Variants in CAMTA1 observed in about 807,000 individuals in gnomAD.
CAMTA1 encodes calmodulin-binding transcription activator 1.
Under a neutral mutation model 170.9 loss-of-function variants are expected in CAMTA1, and 27 were observed. That is an observed-to-expected ratio of 0.16 (90% confidence interval 0.12 to 0.22). CAMTA1 has a LOEUF of 0.22. Among genes scored for constraint, CAMTA1 ranks in the 10% least tolerant of loss-of-function variants. The pLI is 1.00. For synonymous variants in CAMTA1, 833 were observed against 891.5 expected, an observed-to-expected ratio of 0.93 and a Z score of 1.17; for missense variants, 1,619 against 2,217.2, an observed-to-expected ratio of 0.73 and a Z score of 5.42.
intron 5 of CAMTA1, among the ~76,000 whole-genome samples, chr1:7,336,323 A>G (rs2083382133): frequency 6.6e-6 from 1 of 152,196 alleles, no homozygotes; most frequent in South Asian, 2.1e-4. Flanking sequence ...CCATCTCTGC[A>G]GCCCAGAGCT....
intron 7 of CAMTA1, among the ~76,000 whole-genome samples, chr1:7,659,482 C>G (rs61440405): frequency 0.022 from 3,372 of 152,170 alleles, 116 homozygotes; most frequent in African/African-American, 0.076. Flanking sequence ...TGCAGTGAAC[C>G]GAGATCGTGC....
At chr1:7,480,325 G>GAA (rs2093504286) in intron 6 of CAMTA1, among the ~76,000 whole-genome samples, 1 of 128,810 alleles carries the variant, frequency 7.8e-6, no homozygotes, top group Non-Finnish European at 1.6e-5. Flanking sequence ...GTGTGTGTGT[G>GAA]TATGAGTGCA....
chr1:7,649,334 G>A (rs908166093), intron 7 of CAMTA1, among the ~76,000 whole-genome samples: 1 of 152,230 alleles, frequency 6.6e-6, no homozygotes, highest in African/African-American at 2.4e-5. Flanking sequence ...TGCGGGGCCT[G>A]GGAGTCATGG....
chr1:6,822,428 C>G (rs564949813), intron 2 of CAMTA1, among the ~76,000 whole-genome samples: 22 of 152,166 alleles, frequency 1.4e-4, no homozygotes, highest in African/African-American at 5.3e-4. Context: ...ATTTGAAATT[C>G]CAGTAATTCT....
At chr1:7,040,969 G>A (rs1417003874) in intron 3 of CAMTA1, among the ~76,000 whole-genome samples, 6 of 152,146 alleles carry the variant, frequency 3.9e-5, no homozygotes, top group South Asian at 2.1e-4. Flanking sequence ...TGATCTGCCC[G>A]CCTCAGCCTC....
chr1:7,730,313 C>G (rs957524898), intron 11 of CAMTA1, among the ~76,000 whole-genome samples: 1 of 152,204 alleles, frequency 6.6e-6, no homozygotes, highest in Admixed American at 6.5e-5. Flanking sequence ...GTCTCCTGCT[C>G]TCCCTCCCTC....
chr1:7,176,451 T>C (rs1650846826), intron 4 of CAMTA1, among the ~76,000 whole-genome samples: 2 of 152,144 alleles, frequency 1.3e-5, no homozygotes, highest in African/African-American at 4.8e-5. Context: ...AACAATGCCT[T>C]TATGTTCTGG....
At chr1:7,338,145 C>T (rs2083533853) in intron 5 of CAMTA1, among the ~76,000 whole-genome samples, 1 of 151,984 alleles carries the variant, frequency 6.6e-6, no homozygotes, top group African/African-American at 2.4e-5. Context: ...CTTCCTCCTC[C>T]AGATTTTGGG....
At chr1:7,306,000 A>T (rs1675533530) in intron 5 of CAMTA1, among the ~76,000 whole-genome samples, 1 of 151,862 alleles carries the variant, frequency 6.6e-6, no homozygotes, top group African/African-American at 2.4e-5. Context: ...TCCATTATTT[A>T]TTGGGTTGTT....
At chr1:7,211,172 C>T (rs1041476395) in intron 4 of CAMTA1, among the ~76,000 whole-genome samples, 6 of 152,186 alleles carry the variant, frequency 3.9e-5, no homozygotes, top group Non-Finnish European at 7.3e-5. Context: ...TAGATGTCAG[C>T]ACACTTCATC....
intron 5 of CAMTA1, among the ~76,000 whole-genome samples, chr1:7,320,979 T>G (rs899774097): frequency 6.6e-6 from 1 of 152,144 alleles, no homozygotes; most frequent in African/African-American, 2.4e-5. Context: ...CAAACCATCC[T>G]CAAAATACTT....
chr1:6,956,834 G>C (rs1396706000), intron 3 of CAMTA1, among the ~76,000 whole-genome samples: 1 of 152,244 alleles, frequency 6.6e-6, no homozygotes, highest in Non-Finnish European at 1.5e-5. Context: ...CACCAGGGAT[G>C]CTTTCTGCCT....
At chr1:7,604,556 T>C (rs1393430261) in intron 6 of CAMTA1, among the ~76,000 whole-genome samples, 3 of 152,230 alleles carry the variant, frequency 2.0e-5, no homozygotes, top group African/African-American at 7.2e-5. Context: ...TTTCTCTGTA[T>C]TGGTTATTCT....
At chr1:6,942,536 A>G (rs933632769) in intron 3 of CAMTA1, among the ~76,000 whole-genome samples, 2 of 152,164 alleles carry the variant, frequency 1.3e-5, no homozygotes, top group Non-Finnish European at 1.5e-5. Context: ...GTGGTGGCCT[A>G]TAATCCCAGC....
intron 5 of CAMTA1, among the ~76,000 whole-genome samples, chr1:7,454,220 C>A (rs2092899277): frequency 6.6e-6 from 1 of 152,196 alleles, no homozygotes; most frequent in Non-Finnish European, 1.5e-5. Flanking sequence ...GAGGCGACCT[C>A]GCCTCACACT....
chr1:7,523,034 T>C (rs2094386527), intron 6 of CAMTA1, among the ~76,000 whole-genome samples: 1 of 152,204 alleles, frequency 6.6e-6, no homozygotes. Flanking sequence ...GCCCAGCTAA[T>C]TTTTGTATTT....
chr1:6,917,845 CGGG>C (rs200173716), intron 3 of CAMTA1, among the ~76,000 whole-genome samples: 1,931 of 54,342 alleles, frequency 0.036, 32 homozygotes, highest in South Asian at 0.067. Flanking sequence ...CAAAACCCAT[CGGG>C]GGCGGGGGGG....
At chr1:7,448,569 T>TA (rs1255594792) in intron 5 of CAMTA1, among the ~76,000 whole-genome samples, 12 of 152,322 alleles carry the variant, frequency 7.9e-5, no homozygotes, top group Admixed American at 5.9e-4. Flanking sequence ...AGGTGGCGTA[T>TA]AAAAAACAGA....
chr1:6,786,938 C>T (rs1639574457), intron 1 of CAMTA1, among the ~76,000 whole-genome samples: 3 of 152,180 alleles, frequency 2.0e-5, no homozygotes. Context: ...GAGGGGGCAA[C>T]CTTCATCAGT....
Sources: allele counts gnomAD v4.1 joint callset (sites outside exome capture counted in the v4.1 genomes callset), GRCh38; gene constraint gnomAD v4.1.1; transcripts MANE v1.5; gene names NCBI Gene and HGNC (gene_info 2026-07-23, HGNC 2026-07-21).